POLQ: variants seen among roughly 807,000 people sequenced by gnomAD.
The protein encoded by POLQ is DNA polymerase theta.
In POLQ, 233 loss-of-function variants were observed where a neutral mutation model predicts 259.2. That is an observed-to-expected ratio of 0.90 (90% CI 0.81 to 1.00). POLQ has a LOEUF of 1.00. Ranked by LOEUF, POLQ falls within the 50% of genes least tolerant of loss-of-function variation. POLQ has a pLI of 0.00. For synonymous variants in POLQ, 1,025 were observed against 1,048.8 expected (o/e 0.98, Z 0.44); for missense variants, 2,871 against 3,051.6 (o/e 0.94, Z 1.39).
At chr3:121,536,309 TA>T (rs1451852370) in intron 5 of POLQ, among the ~76,000 whole-genome samples, 11 of 152,036 alleles carry the variant, frequency 7.2e-5, no homozygotes, top group Non-Finnish European at 1.5e-4. Flanking sequence ...TAGTGGTTAG[TA>T]AAAAATTTAA....
intron 7 of POLQ, among the ~76,000 whole-genome samples, chr3:121,522,895 A>C (rs1378557824): frequency 6.6e-6 from 1 of 152,232 alleles, no homozygotes; most frequent in African/African-American, 2.4e-5. Context: ...GCAGTATCAG[A>C]GGGTTTCACC....
intron 25 of POLQ, among the ~76,000 whole-genome samples, chr3:121,452,683 T>G (rs56155272): frequency 0.022 from 3,276 of 150,368 alleles, 117 homozygotes; most frequent in African/African-American, 0.075. Flanking sequence ...GGAAGTCGGG[T>G]GCCCAATGCC....
Position 121,487,590 on chromosome 3 carries a change from T to C in POLQ, c.5341A>G (p.Lys1781Glu), listed in dbSNP as rs2048022919. The change falls in exon 16 of 30, where the codon AAA becomes GAA. Residue 1781 changes from lysine to glutamate, a missense_variant. Physicochemically the swap from Lys to Glu is moderately conservative, Grantham distance 56. Coordinates refer to ENST00000264233, the MANE Select transcript of POLQ (RefSeq NM_199420.4). ...CTCCCTGGACTTAAATCGTGGTTTTTAATATCTGAAGGTGAGCCAAATAAA... is the reference window on the plus strand; with the variant it reads ...CTCCCTGGACTTAAATCGTGGTTTTCAATATCTGAAGGTGAGCCAAATAAA... The part of the protein sequence containing the change: ...SYLFGSPSDI[K>E]NHDLSPGSRN... The C allele has an allele frequency of 6.2e-7, 1 of 1,613,978 alleles. No individual in the cohort carries two copies. The highest frequency in any genetic ancestry group is 1.1e-5 in the South Asian group (1 of 91,084).
chr3:121,520,026 C>A lies in POLQ; in HGVS notation c.1313G>T (p.Arg438Leu), dbSNP rs759884379. 1.9e-6 allele frequency: 3 copies of A among 1,613,580 alleles called. No homozygotes were observed. The highest frequency in any genetic ancestry group is 2.5e-6 in the Non-Finnish European group (3 of 1,179,610). ...IEGAFRQGLI[R>L]VLAATSTLSS... ...AAGAGTAGAAGTTGCCGCCAAGACC[C>A]GAATGAGACCTTGACGAAAGGCTCC... The change falls in exon 9 of 30, where the codon CGG (arginine) becomes CTG (leucine). Residue 438 changes from arginine to leucine, a missense_variant. Physicochemically the swap from Arg to Leu is moderately radical, Grantham distance 102. Coordinates refer to ENST00000264233, the MANE Select transcript of POLQ (RefSeq NM_199420.4).
At chr3:121,463,237 A>T (rs1442047526) in intron 24 of POLQ, among the ~76,000 whole-genome samples, 3 of 152,094 alleles carry the variant, frequency 2.0e-5, no homozygotes, top group Non-Finnish European at 4.4e-5. Context: ...GTCTCACGAG[A>T]TCTGATGGTT....
chr3:121,491,945 T>C (rs1219389093), intron 15 of POLQ, among the ~76,000 whole-genome samples: 2 of 152,216 alleles, frequency 1.3e-5, no homozygotes, highest in African/African-American at 2.4e-5. Flanking sequence ...GAATTGTACA[T>C]GCAAGGAATC....
At chr3:121,477,223 C>T (rs1487090279) in intron 19 of POLQ, among the ~76,000 whole-genome samples, 1 of 152,136 alleles carries the variant, frequency 6.6e-6, no homozygotes, top group Non-Finnish European at 1.5e-5. Flanking sequence ...CCCTCCTTGC[C>T]CCATTCAGCT....
intron 16 of POLQ, among the ~76,000 whole-genome samples, chr3:121,486,563 T>C (rs1017315447): frequency 6.7e-6 from 1 of 148,210 alleles, no homozygotes; most frequent in Non-Finnish European, 1.5e-5. Flanking sequence ...AAAATAATAA[T>C]AATAATAATA....
chr3:121,452,402 G>T (rs2047685973), intron 25 of POLQ, among the ~76,000 whole-genome samples: 2 of 151,954 alleles, frequency 1.3e-5, no homozygotes, highest in Non-Finnish European at 2.9e-5. Context: ...TTCCAATTCG[G>T]CCATCTTGGA....
At chr3:121,540,711 C>A (rs1351509116) in intron 3 of POLQ, among the ~76,000 whole-genome samples, 1 of 152,170 alleles carries the variant, frequency 6.6e-6, no homozygotes, top group African/African-American at 2.4e-5. Flanking sequence ...TCTAGTCCTA[C>A]TGTTCAGTTA....
At position 121,466,428 on chromosome 3, in the gene POLQ, C is replaced by T. The variant is rs147280465; in HGVS notation, c.6967+1091G>A. 9.0e-3 allele frequency among the ~76,000 whole-genome samples: 1,350 copies of T among 150,308 alleles called. 19 individuals are homozygous for T. The highest frequency in any genetic ancestry group is 0.031 in the African/African-American group (1,275 of 40,960). ...CACCTTAGCCAGGCGCAGTGGCTCA[C>T]GCCTGTAATCCCAGCACTTTGGGAA... On this transcript the variant is annotated intron_variant, in intron 24 of 29. Coordinates refer to ENST00000264233, the MANE Select transcript of POLQ (RefSeq NM_199420.4).
chr3:121,501,056 T>G (rs377006761), intron 12 of POLQ, among the ~76,000 whole-genome samples: 59 of 152,280 alleles, frequency 3.9e-4, no homozygotes, highest in African/African-American at 1.3e-3. Context: ...CTCCACCTCC[T>G]GGGCGGAAGC....
chr3:121,497,899 C>G (rs2048137002), intron 13 of POLQ, among the ~76,000 whole-genome samples: 4 of 152,212 alleles, frequency 2.6e-5, no homozygotes, highest in Admixed American at 2.6e-4. Context: ...CTGATCAACA[C>G]CTTCTTTACA....
intron 14 of POLQ, among the ~76,000 whole-genome samples, chr3:121,495,359 G>T (rs1396581684): frequency 6.6e-6 from 1 of 152,138 alleles, no homozygotes; most frequent in African/African-American, 2.4e-5. Context: ...TAGAAAGAGT[G>T]AAGTTCCCAC....
rs772854210 is a variant in POLQ at position 121,481,658 on chromosome 3, C to A, written c.6125G>T (p.Gly2042Val). ...LGLNAGSEHS[G>V]RYRASVESIL... ...GGACTCCACAGATGCTCTGTATCGCCCAGAATGCTCACTGCCAGCATTTAG... is the reference window on the plus strand; with the variant it reads ...GGACTCCACAGATGCTCTGTATCGCACAGAATGCTCACTGCCAGCATTTAG... The change falls in exon 19 of 30, where the codon GGG becomes GTG. Residue 2042 changes from glycine to valine, a missense_variant. By Grantham distance (109) the Gly-to-Val change is moderately radical. Transcript: ENST00000264233. 1 of 1,614,040 alleles carries A rather than the reference C, an allele frequency of 6.2e-7. No homozygotes were observed. The highest frequency in any genetic ancestry group is 2.2e-5 in the East Asian group (1 of 44,876).
In POLQ at chr3:121,490,332, T is replaced by A; in HGVS notation, c.2599A>T (p.Arg867Ter). The A allele has an allele frequency of 5.6e-6, 9 of 1,614,240 alleles. No homozygotes were observed. The highest frequency in any genetic ancestry group is 7.6e-6 in the Non-Finnish European group (9 of 1,180,028). The change falls in exon 16 of 30, where the codon AGA becomes TGA. Residue 867 changes from arginine (R) to a stop codon, truncating the protein, a stop_gained. Coordinates refer to ENST00000264233, the MANE Select transcript of POLQ (RefSeq NM_199420.4). LOFTEE classifies it high-confidence loss of function. ...GCTTCCCTTTCAGTTAAACCTTTTC[T>A]GCCAGTCACCCAGATAGTTCGCATA... ...RNMRTIWVTG[R>*]KGLTEREAAA...
At chr3:121,518,246 T>A (rs192654846) in intron 9 of POLQ, among the ~76,000 whole-genome samples, 84 of 152,312 alleles carry the variant, frequency 5.5e-4, no homozygotes, top group Non-Finnish European at 1.0e-3. Context: ...ATTTTCTCCA[T>A]AAGGCACATC....
intron 26 of POLQ, among the ~76,000 whole-genome samples, chr3:121,445,693 T>C (rs1387961298): frequency 6.6e-6 from 1 of 152,078 alleles, no homozygotes; most frequent in South Asian, 2.1e-4. Flanking sequence ...CAAAACTCTG[T>C]CTCTACTAAA....
intron 24 of POLQ, among the ~76,000 whole-genome samples, 182 bp downstream of exon 24, chr3:121,467,337 A>T (rs534393196): frequency 6.6e-6 from 1 of 152,320 alleles, no homozygotes. Flanking sequence ...CACAGAGCAG[A>T]TCATGGAGAT....
Sources: gnomAD v4.1 joint callset for allele counts (sites outside exome capture counted in the v4.1 genomes callset) on GRCh38, gnomAD v4.1.1 for gene constraint, MANE v1.5 for transcripts, NCBI Gene and HGNC (gene_info 2026-07-23, HGNC 2026-07-21) for gene names.